TCHP: variants seen among roughly 807,000 people sequenced by gnomAD.
TCHP encodes trichoplein keratin filament-binding protein.
In TCHP, 81 loss-of-function variants were observed where a neutral mutation model predicts 88.7. That is an observed-to-expected ratio of 0.91 (90% CI 0.76 to 1.10). TCHP has a LOEUF of 1.10. Ranked by LOEUF, TCHP falls within the 50% of genes least tolerant of loss-of-function variation. The pLI is 0.00. For missense variants in TCHP, 641 were observed against 632.1 expected (o/e 1.01, Z -0.15); for synonymous variants, 232 against 232.5 (o/e 1.00, Z 0.02).
chr12:109,894,938 G>T, the TCHP span, among the ~76,000 whole-genome samples: 1 of 151,854 alleles, frequency 6.6e-6, no homozygotes, highest in African/African-American at 2.4e-5. Flanking sequence ...CAGGCAGGGG[G>T]TGGGGTCGGG....
At chr12:109,902,630 C>G (rs992064214) in intron 1 of TCHP, among the ~76,000 whole-genome samples, 1 of 152,170 alleles carries the variant, frequency 6.6e-6, no homozygotes. Context: ...CCCACCAGCA[C>G]GCCTGGCTAA....
upstream of TCHP, among the ~76,000 whole-genome samples, chr12:109,898,326 C>T (rs1359280341): frequency 2.0e-5 from 3 of 152,192 alleles, no homozygotes; most frequent in Non-Finnish European, 2.9e-5. Context: ...TCTCCTGCCT[C>T]GGCCTCCCGA....
the TCHP span, among the ~76,000 whole-genome samples, chr12:109,890,338 G>A: frequency 3.3e-5 from 5 of 151,044 alleles, no homozygotes; most frequent in South Asian, 2.1e-4. Context: ...GCATGGGGGC[G>A]CATGTGCCTG....
chr12:109,897,685 C>T (rs533150237), upstream of TCHP, among the ~76,000 whole-genome samples: 3 of 151,932 alleles, frequency 2.0e-5, no homozygotes, highest in Admixed American at 6.6e-5. Context: ...CTCAGCCTCC[C>T]GAGCTGGGAT....
the TCHP span, among the ~76,000 whole-genome samples, chr12:109,885,222 G>A: frequency 7.2e-5 from 11 of 152,074 alleles, no homozygotes; most frequent in Non-Finnish European, 1.3e-4. Context: ...CTCCCGCCTC[G>A]GCCTCCCAGA....
At chr12:109,895,122 G>A in the TCHP span, among the ~76,000 whole-genome samples, 10 of 152,014 alleles carry the variant, frequency 6.6e-5, no homozygotes, top group Non-Finnish European at 2.9e-5. Context: ...TATTCAAAAT[G>A]GTTGCCCAGG....
Position 109,903,353 on chromosome 12 carries a change from A to C in TCHP, c.188+139A>C. The C allele has an allele frequency of 1.3e-6, 1 of 769,350 alleles. No homozygotes were observed. Among genetic ancestry groups the C allele is most frequent in the South Asian group, 2.2e-5 (1 of 46,002 alleles). The allele number at this position is 769,350 out of a possible 1,614,324, so 47.7% of individuals were successfully genotyped here. On this transcript the variant is annotated intron_variant, in intron 2 of 12. Transcript: ENST00000405876. The surrounding 1 kb of genome is among the most constrained non-coding windows in gnomAD (Gnocchi z 4.6). ...CATGGTGATGTTTTTCCAGCTGGAA[A>C]TGGAAAAAAAGATCATCAGTGCAGC...
At chr12:109,882,671 T>C in the TCHP span, among the ~76,000 whole-genome samples, 837 of 144,848 alleles carry the variant, frequency 5.8e-3, 2 homozygotes, top group Non-Finnish European at 9.0e-3. Context: ...TTTTTTTTTT[T>C]TGAGATGGAG....
the TCHP span, among the ~76,000 whole-genome samples, chr12:109,891,385 A>G: frequency 2.8e-5 from 4 of 142,102 alleles, no homozygotes; most frequent in Admixed American, 2.1e-4. Flanking sequence ...CTTTCTTAAT[A>G]TTTCCTTTTT....
the TCHP span, among the ~76,000 whole-genome samples, chr12:109,886,890 G>A: frequency 6.6e-6 from 1 of 151,768 alleles, no homozygotes; most frequent in African/African-American, 2.4e-5. Flanking sequence ...TGTATTTTTA[G>A]TAGAGATGGG....
chr12:109,915,280 A>G, intron 11 of TCHP, 123 bp from the exon 12 acceptor site: 1 of 1,347,544 alleles, frequency 7.4e-7, no homozygotes, highest in Non-Finnish European at 1.1e-6. Context: ...TGGCACGTGC[A>G]TTGCTGTTGC....
At position 109,907,627 on chromosome 12, in the gene TCHP, G is replaced by A. The variant is rs201972129; in HGVS notation, c.627G>A (p.Arg209=). Residue 209 remains arginine, a synonymous_variant, in exon 6 of 13, where the codon AGG becomes AGA. Coordinates refer to ENST00000405876, the MANE Select transcript of TCHP (RefSeq NM_001143852.2). The stretch of plus-strand genomic sequence containing the variant: ...GGATGAAAGCTGAAGAGGAGAGGAG[G>A]CAGCTGGAGGACAAGCTCCAGGCCG... The part of the protein sequence containing the change: ...LERMKAEEER[R]QLEDKLQAEA... The A allele has an allele frequency of 9.3e-6, 15 of 1,610,522 alleles. No homozygotes were observed. Among genetic ancestry groups the A allele is most frequent in the Middle Eastern group, 1.7e-4 (1 of 6,026 alleles).
At chr12:109,893,597 T>C in the TCHP span, among the ~76,000 whole-genome samples, 1 of 152,118 alleles carries the variant, frequency 6.6e-6, no homozygotes, top group Non-Finnish European at 1.5e-5. Flanking sequence ...CCAGGAAACA[T>C]GTTGAGATCG....
chr12:109,904,789 G>A lies in TCHP; in HGVS notation c.452G>A (p.Arg151Gln), dbSNP rs199860940. Residue 151 changes from arginine (R) to glutamine (Q), a missense_variant, in exon 4 of 13, where the codon CGA becomes CAA. Physicochemically the swap from Arg to Gln is conservative, Grantham distance 43. Coordinates refer to ENST00000405876, the MANE Select transcript of TCHP (RefSeq NM_001143852.2). ...EHWKKNNPKL[R>Q]EMELDLHQKH... ...TGGAAAAAGAACAACCCGAAACTTC[G>A]AGAGGTGAAAATCAGAGATCTCCAT... is the stretch of plus-strand genomic sequence containing the variant. 50 of 1,613,148 alleles carry A rather than the reference G, an allele frequency of 3.1e-5. 1 individual carries two copies. The East Asian group carries it at 4.0e-4, about 13-fold the overall frequency.
At chr12:109,914,140 G>A (rs551429654) in intron 10 of TCHP, 204 of 178,932 alleles carry the variant, frequency 1.1e-3, no homozygotes, top group South Asian at 8.4e-3. Flanking sequence ...CTCTGGCCCC[G>A]GGGAGACAGC....
Position 109,904,626 on chromosome 12 carries a change from G to A in TCHP, c.400-111G>A, listed in dbSNP as rs548796265. ...GGGTTTGAACAGTGGTTGCAGTGACGGTGTGAAGGGAGGCACTCATAGCCT... is the reference window on the plus strand; with the variant it reads ...GGGTTTGAACAGTGGTTGCAGTGACAGTGTGAAGGGAGGCACTCATAGCCT... On this transcript the variant is annotated intron_variant, in intron 3 of 12. Coordinates refer to ENST00000405876, the MANE Select transcript of TCHP (RefSeq NM_001143852.2). The A allele has an allele frequency of 9.4e-6, 8 of 853,480 alleles. No individual in the cohort carries two copies. The East Asian group carries it at 1.0e-4, about 11-fold the overall frequency. 52.9% of individuals were successfully genotyped at this position (853,480 alleles called of 1,614,324 possible).
At chr12:109,904,299 G>A in intron 3 of TCHP, 152 bp downstream of exon 3, 1 of 686,388 alleles carries the variant, frequency 1.5e-6, no homozygotes, top group Non-Finnish European at 2.5e-6. Flanking sequence ...TCCTTGTGCA[G>A]GGACTGGGTT....
At chr12:109,901,473 C>G (rs1005254098) in intron 1 of TCHP, among the ~76,000 whole-genome samples, 2 of 152,164 alleles carry the variant, frequency 1.3e-5, no homozygotes, top group Non-Finnish European at 2.9e-5. Flanking sequence ...CCACCCCTTT[C>G]CTCAAGGAGT....
At chr12:109,896,748 T>C (rs1869569687), upstream of TCHP, among the ~76,000 whole-genome samples, 1 of 151,804 alleles carries the variant, frequency 6.6e-6, no homozygotes, top group Admixed American at 6.6e-5. Context: ...CCAACTCTAC[T>C]GAAAAAAAAT....
Sources: allele counts gnomAD v4.1 joint callset (sites outside exome capture counted in the v4.1 genomes callset), GRCh38; gene constraint gnomAD v4.1.1; non-coding constraint Gnocchi (gnomAD v3.1); transcripts MANE v1.5; gene names NCBI Gene and HGNC (gene_info 2026-07-23, HGNC 2026-07-21).